Variants in CACNA1B observed in about 807,000 individuals in gnomAD.
CACNA1B encodes voltage-dependent N-type calcium channel subunit alpha-1B.
CACNA1B carries 70 observed loss-of-function variants against 247.2 expected under a neutral mutation model. That is an observed-to-expected ratio of 0.28 (90% CI 0.23 to 0.35). CACNA1B has a LOEUF of 0.35. CACNA1B is among the 10% of genes least tolerant of loss of function. The probability of loss-of-function intolerance (pLI) is 1.00; values close to 1 mark genes in which losing one functional copy is unlikely to be tolerated. For missense variants in CACNA1B, 2,367 were observed against 3,197.4 expected, an observed-to-expected ratio of 0.74 and a Z score of 6.26; for synonymous variants, 1,231 against 1,294.4, an observed-to-expected ratio of 0.95 and a Z score of 1.05.
At chr9:137,980,445 G>A (rs1958281358) in intron 12 of CACNA1B, among the ~76,000 whole-genome samples, 1 of 152,202 alleles carries the variant, frequency 6.6e-6, no homozygotes, top group Non-Finnish European at 1.5e-5. Flanking sequence ...ATCGTTTTGG[G>A]ATCTCAAATA....
At chr9:138,063,386 C>T (rs1055245661) in intron 31 of CACNA1B, among the ~76,000 whole-genome samples, 3 of 152,170 alleles carry the variant, frequency 2.0e-5, no homozygotes, top group Non-Finnish European at 4.4e-5. Flanking sequence ...CCCAGCTACC[C>T]AGGAGGCTGA....
At position 138,074,334 on chromosome 9, in the gene CACNA1B, A is replaced by G. The variant is rs191807420; in HGVS notation, c.4857+268A>G. Among the ~76,000 whole-genome samples, 84 of 151,208 alleles carry G rather than the reference A, an allele frequency of 5.6e-4. No individual in the cohort carries two copies. The Middle Eastern group carries it at 0.014, about 24-fold the overall frequency. ...TGGCTCACTGCAACCTCTGCCTGCTAGGTTCAAGCGATTCTCCTGCTTCAG... is the reference window on the plus strand; with the variant it reads ...TGGCTCACTGCAACCTCTGCCTGCTGGGTTCAAGCGATTCTCCTGCTTCAG... On this transcript the variant is annotated intron_variant, in intron 34 of 46. Transcript: ENST00000371372.
intron 36 of CACNA1B, among the ~76,000 whole-genome samples, chr9:138,086,928 C>A (rs1163355626): frequency 6.6e-6 from 1 of 150,936 alleles, no homozygotes; most frequent in East Asian, 2.0e-4. Context: ...CAAAACAAGT[C>A]TCAACAAATG....
chr9:137,966,429 G>A (rs756941766), intron 10 of CACNA1B, among the ~76,000 whole-genome samples: 33 of 151,578 alleles, frequency 2.2e-4, no homozygotes, highest in Non-Finnish European at 3.5e-4. Flanking sequence ...GGGTTTCACC[G>A]TGTTAGCCAG....
rs949745339 is a variant in CACNA1B, at chr9:138,012,596, C to T, written c.2161-533C>T. 6.6e-6 allele frequency among the ~76,000 whole-genome samples: 1 copy of T among 151,810 alleles called. No homozygotes were observed. The highest frequency in any genetic ancestry group is 2.4e-5 in the African/African-American group (1 of 41,324). On this transcript the variant is annotated intron_variant, in intron 17 of 46. Coordinates refer to ENST00000371372, the MANE Select transcript of CACNA1B (RefSeq NM_000718.4). The surrounding 1 kb of genome is among the most constrained non-coding windows in gnomAD (Gnocchi z 4.2). ...AGTCGTGATGACACGTGCTTGGAGT[C>T]CCAGCTGCATGGGAGGCTGAGGTTA...
rs1248556848 is a variant in CACNA1B, at chr9:137,990,133, C to G, written c.1974+3279C>G. On this transcript the variant is annotated intron_variant, in intron 15 of 46. Coordinates refer to ENST00000371372, the MANE Select transcript of CACNA1B (RefSeq NM_000718.4). This position sits in a 1 kb window ranked among gnomAD's most constrained non-coding sequence, Gnocchi z 4.5. ...GGGGGTGGGCACGGTAGGAGTGAGA[C>G]CAGCCTTTTGGACTGCGGGCTGCGT... 6.6e-6 allele frequency among the ~76,000 whole-genome samples: 1 copy of G among 152,160 alleles called. No individual in the cohort carries two copies. The highest frequency in any genetic ancestry group is 2.4e-5 in the African/African-American group (1 of 41,438).
At chr9:137,976,740 G>T (rs111264842) in intron 12 of CACNA1B, among the ~76,000 whole-genome samples, 1 of 135,500 alleles carries the variant, frequency 7.4e-6, no homozygotes, top group African/African-American at 2.9e-5. Context: ...GTGTTTCCCA[G>T]CTTACCATGA....
intron 36 of CACNA1B, among the ~76,000 whole-genome samples, chr9:138,091,904 T>G (rs1960892089): frequency 6.6e-6 from 1 of 152,194 alleles, no homozygotes; most frequent in Non-Finnish European, 1.5e-5. Flanking sequence ...GAGAGAAATT[T>G]TACAGCTGGG....
chr9:137,880,234 G>A lies in CACNA1B; in HGVS notation c.390+1075G>A, dbSNP rs567677394. ...ACCAGGAGGTGAGTTATGGGTGGCC[G>A]AGGTGAGGAGGTCTTAATGGAGCAC... On this transcript the variant is annotated intron_variant, in intron 2 of 46. Transcript: ENST00000371372. This position sits in a 1 kb window ranked among gnomAD's most constrained non-coding sequence, Gnocchi z 4.8. Among the ~76,000 whole-genome samples the A allele has an allele frequency of 3.3e-5, 5 of 152,194 alleles. No homozygotes were observed. The South Asian group carries it at 6.2e-4, about 19-fold the overall frequency.
chr9:138,117,020 C>T (rs1433195248), intron 42 of CACNA1B, among the ~76,000 whole-genome samples: 1 of 152,232 alleles, frequency 6.6e-6, no homozygotes, highest in Non-Finnish European at 1.5e-5. Flanking sequence ...GACTATCAGG[C>T]TCCAGTCTGA....
chr9:138,068,802 G>A (rs1170671098), intron 31 of CACNA1B, among the ~76,000 whole-genome samples: 1 of 152,168 alleles, frequency 6.6e-6, no homozygotes, highest in African/African-American at 2.4e-5. Flanking sequence ...GAGAGCCCCA[G>A]TGCCCAGCCG....
chr9:138,050,141 C>T lies in CACNA1B; in HGVS notation c.3710+826C>T. The T allele has an allele frequency of 8.1e-7, 1 of 1,239,026 alleles. No individual in the cohort carries two copies. Among genetic ancestry groups the T allele is most frequent in the Non-Finnish European group, 1.1e-6 (1 of 942,588 alleles). 76.8% of individuals were successfully genotyped at this position (1,239,026 alleles called of 1,614,324 possible). On this transcript the variant is annotated intron_variant, in intron 24 of 46. Transcript: ENST00000371372. The surrounding 1 kb of genome is among the most constrained non-coding windows in gnomAD (Gnocchi z 5.2). ...CCTGACATCACAGCATTCCAGCAGC[C>T]CCTCTTGGGTCATTTCATCTCCAGC...
intron 31 of CACNA1B, among the ~76,000 whole-genome samples, chr9:138,063,808 G>A (rs1959818950): frequency 6.6e-6 from 1 of 152,240 alleles, no homozygotes; most frequent in African/African-American, 2.4e-5. Context: ...AAATGGGAAT[G>A]AGGTGTAGAC....
At chr9:138,055,231 A>G (rs1423697675) in intron 26 of CACNA1B, among the ~76,000 whole-genome samples, 1 of 150,244 alleles carries the variant, frequency 6.7e-6, no homozygotes, top group Non-Finnish European at 1.5e-5. Flanking sequence ...GGCCCAAGTG[A>G]TCCTCCCTCC....
chr9:137,946,214 TA>T (rs1957794629), intron 6 of CACNA1B, among the ~76,000 whole-genome samples: 1 of 152,220 alleles, frequency 6.6e-6, no homozygotes, highest in Non-Finnish European at 1.5e-5. Flanking sequence ...CTTTTATGTA[TA>T]AACTTCTTTG....
intron 36 of CACNA1B, among the ~76,000 whole-genome samples, chr9:138,084,867 G>A (rs1032731090): frequency 6.7e-6 from 1 of 150,194 alleles, no homozygotes; most frequent in Non-Finnish European, 1.5e-5. Context: ...CAAGAGAATG[G>A]CATGAACCTG....
rs140228601 is a variant in CACNA1B at position 137,957,343 on chromosome 9, A to G, written c.1244-255A>G. Reference sequence around the variant, plus strand: ...ACGTTTCCTGGTCTCCCTGGTGGCCAGGCCTCCCCACTGGCCTCATTTTGG... The same window carrying G: ...ACGTTTCCTGGTCTCCCTGGTGGCCGGGCCTCCCCACTGGCCTCATTTTGG... On this transcript the variant is annotated intron_variant, in intron 9 of 46. Coordinates refer to ENST00000371372, the MANE Select transcript of CACNA1B (RefSeq NM_000718.4). The surrounding 1 kb of genome is among the most constrained non-coding windows in gnomAD (Gnocchi z 4.7). Among the ~76,000 whole-genome samples, 533 of 152,320 alleles carry G rather than the reference A, an allele frequency of 3.5e-3. No individual in the cohort carries two copies. The highest frequency in any genetic ancestry group is 5.4e-3 in the Non-Finnish European group (364 of 68,018).
chr9:137,993,455 C>T (rs1958459056), intron 15 of CACNA1B, among the ~76,000 whole-genome samples: 1 of 151,304 alleles, frequency 6.6e-6, no homozygotes, highest in African/African-American at 2.4e-5. Context: ...TGAGATTAAC[C>T]AATAAAATAA....
chr9:138,077,063 G>A (rs1960348021), intron 35 of CACNA1B, among the ~76,000 whole-genome samples: 1 of 152,200 alleles, frequency 6.6e-6, no homozygotes, highest in South Asian at 2.1e-4. Flanking sequence ...TAGTTTTGAG[G>A]CCTTTGGTCT....
Sources: allele counts gnomAD v4.1 joint callset (sites outside exome capture counted in the v4.1 genomes callset), GRCh38; gene constraint gnomAD v4.1.1; non-coding constraint Gnocchi (gnomAD v3.1); transcripts MANE v1.5; gene names NCBI Gene and HGNC (gene_info 2026-07-23, HGNC 2026-07-21).